TBC1D5: variants seen among roughly 807,000 people sequenced by gnomAD.
TBC1D5 encodes the protein TBC1 domain family member 5.
A neutral mutation model predicts 100.3 loss-of-function variants in TBC1D5; 75 were observed. The observed-to-expected ratio is 0.75, with a 90% confidence interval of 0.62 to 0.91. The LOEUF is 0.91. Ranked by LOEUF, TBC1D5 falls within the 40% of genes least tolerant of loss-of-function variation. The pLI is 0.00. For missense variants in TBC1D5, 910 were observed against 942.4 expected (o/e 0.97, Z 0.45); for synonymous variants, 323 against 325.6 (o/e 0.99, Z 0.09).
intron 15 of TBC1D5, among the ~76,000 whole-genome samples, chr3:17,259,523 T>C (rs2149444644): frequency 6.6e-6 from 1 of 152,334 alleles, no homozygotes; most frequent in East Asian, 1.9e-4. Flanking sequence ...ATAAATGTGT[T>C]CTAATGTTTA....
rs369888207 is a variant in TBC1D5 at position 17,364,035 on chromosome 3, C to G, written c.995+8040G>C. ...CAAGAATCAGGCAGCACCACCACCC[C>G]CTCCCCGGACTGAAATTTTGAAGTA... On this transcript the variant is annotated intron_variant, in intron 13 of 21. Coordinates refer to ENST00000253692, the Ensembl canonical transcript of TBC1D5. 2.1e-4 allele frequency among the ~76,000 whole-genome samples: 31 copies of G among 150,454 alleles called. No homozygotes were observed. The South Asian group carries it at 5.7e-3, about 27-fold the overall frequency.
intron 2 of TBC1D5, among the ~76,000 whole-genome samples, chr3:17,614,381 G>A (rs1036414855): frequency 5.3e-5 from 8 of 152,108 alleles, no homozygotes; most frequent in Non-Finnish European, 1.2e-4. Flanking sequence ...CTCTTTTTTG[G>A]TTCCATATGA....
At chr3:17,234,150 C>T (rs2075671969) in intron 17 of TBC1D5, among the ~76,000 whole-genome samples, 1 of 151,994 alleles carries the variant, frequency 6.6e-6, no homozygotes, top group Non-Finnish European at 1.5e-5. Context: ...CCTCCTATAT[C>T]AGACAAAATT....
At chr3:17,654,000 T>A (rs972389485) in intron 1 of TBC1D5, among the ~76,000 whole-genome samples, 4 of 152,152 alleles carry the variant, frequency 2.6e-5, no homozygotes, top group Admixed American at 2.6e-4. Flanking sequence ...GAGATATGCA[T>A]TCTTTTTGGG....
intron 6 of TBC1D5, 28 bp from the exon 7 acceptor site, chr3:17,404,796 CA>C: frequency 6.3e-7 from 1 of 1,596,240 alleles, no homozygotes. Flanking sequence ...AACACACACA[CA>C]AGGATCAGAG....
chr3:17,533,561 TC>T (rs1014041940), intron 2 of TBC1D5, among the ~76,000 whole-genome samples: 4 of 152,264 alleles, frequency 2.6e-5, no homozygotes, highest in Admixed American at 2.0e-4. Flanking sequence ...AACACTGCCT[TC>T]CTAAAACCTG....
intron 8 of TBC1D5, among the ~76,000 whole-genome samples, chr3:17,388,173 T>A (rs2093229390): frequency 6.6e-6 from 1 of 152,102 alleles, no homozygotes. Context: ...TCAGTATTGA[T>A]AATATAGAAG....
At chr3:17,464,462 T>C (rs1386518185) in intron 3 of TBC1D5, among the ~76,000 whole-genome samples, 3 of 152,192 alleles carry the variant, frequency 2.0e-5, no homozygotes, top group Non-Finnish European at 4.4e-5. Flanking sequence ...AGAAATACTA[T>C]AACTATTTCT....
chr3:17,380,946 T>C (rs1361208780), intron 9 of TBC1D5, among the ~76,000 whole-genome samples: 3 of 152,196 alleles, frequency 2.0e-5, no homozygotes, highest in East Asian at 1.9e-4. Flanking sequence ...TACAAAATAA[T>C]AGCTTTAACA....
chr3:17,362,090 AT>A (rs2091770952), intron 13 of TBC1D5, among the ~76,000 whole-genome samples: 1 of 152,150 alleles, frequency 6.6e-6, no homozygotes, highest in African/African-American at 2.4e-5. Context: ...GGATATTCAT[AT>A]TTAAAAAAGA....
chr3:17,579,587 C>A (rs1168504401), intron 2 of TBC1D5, among the ~76,000 whole-genome samples: 1 of 152,108 alleles, frequency 6.6e-6, no homozygotes, highest in Non-Finnish European at 1.5e-5. Context: ...CTATTTTTAT[C>A]ACTGTTTATC....
intron 2 of TBC1D5, among the ~76,000 whole-genome samples, chr3:17,516,593 T>C (rs1177576364): frequency 6.6e-6 from 1 of 152,192 alleles, no homozygotes; most frequent in African/African-American, 2.4e-5. Flanking sequence ...TCATAAGTAG[T>C]TATTAGCTTA....
intron 17 of TBC1D5, among the ~76,000 whole-genome samples, chr3:17,229,118 CAGG>C (rs2148844469): frequency 6.6e-6 from 1 of 152,122 alleles, no homozygotes; most frequent in African/African-American, 2.4e-5. Flanking sequence ...GCAAAATGTT[CAGG>C]AGGTCTACGG....
At chr3:17,169,817 G>A (rs949994406) in intron 19 of TBC1D5, among the ~76,000 whole-genome samples, 1 of 152,192 alleles carries the variant, frequency 6.6e-6, no homozygotes, top group Non-Finnish European at 1.5e-5. Context: ...ACCAGAGACT[G>A]GTTTCATGGA....
At chr3:17,423,472 TCAACAC>T (rs1201538601) in intron 4 of TBC1D5, among the ~76,000 whole-genome samples, 1 of 152,144 alleles carries the variant, frequency 6.6e-6, no homozygotes, top group Non-Finnish European at 1.5e-5. Flanking sequence ...GTTTTTTAAT[TCAACAC>T]CAAAGCTCCT....
intron 13 of TBC1D5, among the ~76,000 whole-genome samples, chr3:17,317,521 T>G (rs1478225500): frequency 6.6e-6 from 1 of 152,156 alleles, no homozygotes; most frequent in Non-Finnish European, 1.5e-5. Flanking sequence ...AACAAAAGAG[T>G]TAAGGAGGGG....
chr3:17,272,659 A>G (rs1341320326), intron 15 of TBC1D5, among the ~76,000 whole-genome samples: 2 of 152,244 alleles, frequency 1.3e-5, no homozygotes, highest in Admixed American at 1.3e-4. Context: ...GTAAGGGAAC[A>G]GCCAGGAACT....
Position 17,735,215 on chromosome 3 carries a change from T to C in TBC1D5, c.-101+4128A>G, listed in dbSNP as rs80188321. On this transcript the variant is annotated intron_variant, in intron 1 of 21. Transcript: ENST00000253692. ...CAGAGGGATATTAGCTATAATAGTGTTCAACGTAGCACTATTTATCATGAA... is the reference window on the plus strand; with the variant it reads ...CAGAGGGATATTAGCTATAATAGTGCTCAACGTAGCACTATTTATCATGAA... Among the ~76,000 whole-genome samples, 848 of 152,346 alleles carry C rather than the reference T, an allele frequency of 5.6e-3. 3 individuals are homozygous for C. The highest frequency in any genetic ancestry group is 9.4e-3 in the Non-Finnish European group (637 of 68,038).
intron 13 of TBC1D5, among the ~76,000 whole-genome samples, chr3:17,364,124 TG>T (rs1383116890): frequency 1.3e-5 from 2 of 152,122 alleles, no homozygotes; most frequent in Non-Finnish European, 2.9e-5. Flanking sequence ...CTATCGTCAT[TG>T]GAAGATAGGC....
Sources: gnomAD v4.1 joint callset for allele counts (sites outside exome capture counted in the v4.1 genomes callset) on GRCh38, gnomAD v4.1.1 for gene constraint, MANE v1.5 for transcripts, NCBI Gene and HGNC (gene_info 2026-07-23, HGNC 2026-07-21) for gene names.